GPR158: variants seen among roughly 807,000 people sequenced by gnomAD.
GPR158 encodes the protein G protein-coupled receptor 158.
GPR158 carries 30 observed loss-of-function variants against 78.2 expected under a neutral mutation model. The observed-to-expected ratio is 0.38, with a 90% CI of 0.29 to 0.52. The LOEUF (loss-of-function observed/expected upper bound fraction) is 0.52, where lower values mean the gene tolerates loss of function less well. GPR158 is among the 20% of genes least tolerant of loss of function. GPR158 has a pLI of 0.83. For missense variants in GPR158, 1,463 were observed against 1,523.5 expected, an observed-to-expected ratio of 0.96 and a Z score of 0.66; for synonymous variants, 581 against 591.1, an observed-to-expected ratio of 0.98 and a Z score of 0.25.
chr10:25,246,499 T>A lies in GPR158; in HGVS notation c.1008+25342T>A, dbSNP rs189942235. Among the ~76,000 whole-genome samples the A allele has an allele frequency of 2.2e-4, 33 of 152,278 alleles. No homozygotes were observed. In the East Asian group the frequency reaches 6.0e-3, roughly 28 times the overall value. On this transcript the variant is annotated intron_variant, in intron 2 of 10. Coordinates refer to ENST00000376351, the MANE Select transcript of GPR158 (RefSeq NM_020752.3). ...AGGCACCACTAAATGAGAAATTAAA[T>A]GTTAAAGCTTTAATATTTACTGTTA...
chr10:25,382,213 G>A (rs771881999), intron 2 of GPR158, among the ~76,000 whole-genome samples: 19 of 152,172 alleles, frequency 1.2e-4, no homozygotes, highest in Non-Finnish European at 2.1e-4. Flanking sequence ...GGAAGGCCTA[G>A]AAAATTGGGC....
intron 2 of GPR158, among the ~76,000 whole-genome samples, chr10:25,362,884 T>C (rs957713564): frequency 2.8e-4 from 42 of 151,936 alleles, no homozygotes; most frequent in Non-Finnish European, 3.8e-4. Flanking sequence ...GCTTTTTATA[T>C]ATTTTTTAAT....
intron 2 of GPR158, among the ~76,000 whole-genome samples, chr10:25,290,860 T>C (rs1854425181): frequency 6.6e-6 from 1 of 152,102 alleles, no homozygotes; most frequent in African/African-American, 2.4e-5. Context: ...AAATCAAATG[T>C]ACTCTATGCC....
At chr10:25,418,151 T>C (rs1293362353) in intron 4 of GPR158, among the ~76,000 whole-genome samples, 3 of 152,316 alleles carry the variant, frequency 2.0e-5, no homozygotes, top group East Asian at 3.9e-4. Flanking sequence ...TAGGTGATCA[T>C]GTTGAAGAGA....
At chr10:25,310,190 T>C (rs1242527784) in intron 2 of GPR158, among the ~76,000 whole-genome samples, 1 of 152,218 alleles carries the variant, frequency 6.6e-6, no homozygotes, top group African/African-American at 2.4e-5. Flanking sequence ...TGGCAACTTG[T>C]TGAAAATCAT....
At chr10:25,576,137 T>C (rs1472257564) in intron 7 of GPR158, among the ~76,000 whole-genome samples, 1 of 152,136 alleles carries the variant, frequency 6.6e-6, no homozygotes, top group Non-Finnish European at 1.5e-5. Flanking sequence ...ATCTGAAGTT[T>C]TATTGCACCT....
intron 5 of GPR158, among the ~76,000 whole-genome samples, chr10:25,548,537 T>C (rs1293964671): frequency 6.6e-6 from 1 of 152,160 alleles, no homozygotes; most frequent in Non-Finnish European, 1.5e-5. Context: ...ATTTCCAAGA[T>C]GAAGTATTTT....
rs868205213 is a variant in GPR158 at position 25,597,704 on chromosome 10, A to G, written c.2146-68A>G. 22 of 1,280,380 alleles carry G rather than the reference A, an allele frequency of 1.7e-5. No homozygotes were observed. The African/African-American group carries it at 2.8e-4, about 16-fold the overall frequency. 79.3% of individuals were successfully genotyped at this position (1,280,380 alleles called of 1,614,324 possible). On this transcript the variant is annotated intron_variant, in intron 10 of 10. Transcript: ENST00000376351. ...CCCAAGTTTACTGAATTCCAATACCATGTAGTGATCTTCTATGACTGGAAC... is the reference window on the plus strand; with the variant it reads ...CCCAAGTTTACTGAATTCCAATACCGTGTAGTGATCTTCTATGACTGGAAC...
chr10:25,247,778 G>A (rs1169639373), intron 2 of GPR158, among the ~76,000 whole-genome samples: 3 of 151,172 alleles, frequency 2.0e-5, no homozygotes, highest in South Asian at 4.2e-4. Flanking sequence ...ATAAACATAC[G>A]TGTGCATGTG....
chr10:25,290,100 A>C (rs1854412934), intron 2 of GPR158, among the ~76,000 whole-genome samples: 1 of 152,192 alleles, frequency 6.6e-6, no homozygotes, highest in Admixed American at 6.6e-5. Context: ...GGGTTAAATA[A>C]TTGATGGTAG....
At chr10:25,344,889 C>T (rs1363561440) in intron 2 of GPR158, among the ~76,000 whole-genome samples, 2 of 152,074 alleles carry the variant, frequency 1.3e-5, no homozygotes, top group African/African-American at 4.8e-5. Flanking sequence ...TGAGGGCCTG[C>T]TTTTCATAAA....
At chr10:25,358,994 C>T (rs1855590635) in intron 2 of GPR158, among the ~76,000 whole-genome samples, 1 of 145,598 alleles carries the variant, frequency 6.9e-6, no homozygotes, top group African/African-American at 2.8e-5. Context: ...TTGTAATGGT[C>T]AAGTATTCTG....
intron 4 of GPR158, among the ~76,000 whole-genome samples, chr10:25,422,901 T>C (rs904665324): frequency 6.8e-6 from 1 of 146,872 alleles, no homozygotes; most frequent in Non-Finnish European, 1.5e-5. Context: ...ATCATTCTTA[T>C]GCCTTTGCGT....
At chr10:25,415,517 G>A in intron 4 of GPR158, among the ~76,000 whole-genome samples, 1 of 152,052 alleles carries the variant, frequency 6.6e-6, no homozygotes, top group Middle Eastern at 3.2e-3. Flanking sequence ...TTGCGGATGT[G>A]GAGAATTGGA....
At chr10:25,206,147 G>A (rs1045384182) in intron 1 of GPR158, among the ~76,000 whole-genome samples, 1 of 151,846 alleles carries the variant, frequency 6.6e-6, no homozygotes, top group African/African-American at 2.4e-5. Flanking sequence ...CACCACACCT[G>A]GCTAATTTTT....
At chr10:25,351,788 G>T (rs1341318046) in intron 2 of GPR158, among the ~76,000 whole-genome samples, 1 of 150,088 alleles carries the variant, frequency 6.7e-6, no homozygotes, top group Non-Finnish European at 1.5e-5. Context: ...CGATGTGCAG[G>T]TTTGTTTCAT....
intron 2 of GPR158, among the ~76,000 whole-genome samples, chr10:25,246,053 T>C (rs1853685054): frequency 1.3e-5 from 2 of 152,224 alleles, no homozygotes; most frequent in Admixed American, 6.5e-5. Flanking sequence ...TTATGACAAA[T>C]CTATTCTAAA....
intron 2 of GPR158, among the ~76,000 whole-genome samples, chr10:25,331,343 C>G (rs1011783319): frequency 6.6e-6 from 1 of 152,154 alleles, no homozygotes; most frequent in African/African-American, 2.4e-5. Flanking sequence ...ACAATTCTTC[C>G]TTAGGGGATA....
chr10:25,329,807 C>T (rs1156607095), intron 2 of GPR158, among the ~76,000 whole-genome samples: 3 of 152,074 alleles, frequency 2.0e-5, no homozygotes, highest in East Asian at 1.9e-4. Context: ...CACTAGGTTA[C>T]GATGGCGTCA....
Sources: gnomAD v4.1 joint callset for allele counts (sites outside exome capture counted in the v4.1 genomes callset) on GRCh38, gnomAD v4.1.1 for gene constraint, MANE v1.5 for transcripts, NCBI Gene and HGNC (gene_info 2026-07-23, HGNC 2026-07-21) for gene names.